Variants in DTX1 observed in about 807,000 individuals in gnomAD.
DTX1 encodes the protein E3 ubiquitin-protein ligase DTX1.
A neutral mutation model predicts 57.8 loss-of-function variants in DTX1; 26 were observed. The ratio of observed to expected loss-of-function variants is 0.45; its 90% CI spans 0.33 to 0.62. DTX1 has a LOEUF of 0.62. Ranked by LOEUF, DTX1 falls within the 20% of genes least tolerant of loss-of-function variation. DTX1 has a pLI of 0.02. For synonymous variants in DTX1, 398 were observed against 394.1 expected, an observed-to-expected ratio of 1.01 and a Z score of -0.12; for missense variants, 704 against 895.3, an observed-to-expected ratio of 0.79 and a Z score of 2.73.
At chr12:113,073,030 C>T (rs2044747968) in intron 2 of DTX1, among the ~76,000 whole-genome samples, 1 of 152,068 alleles carries the variant, frequency 6.6e-6, no homozygotes, top group Admixed American at 6.6e-5. Flanking sequence ...TTCTGAGTTG[C>T]TTGAATCACT....
At chr12:113,076,984 C>A (rs4767062) in intron 2 of DTX1, among the ~76,000 whole-genome samples, 4,861 of 151,932 alleles carry the variant, frequency 0.032, 183 homozygotes, top group East Asian at 0.19. Context: ...CCTGTGATAA[C>A]CCCCACTTCA....
rs2044781797 is a variant in DTX1 at position 113,077,553 on chromosome 12, A to C, written c.389A>C (p.Gln130Pro). The C allele has an allele frequency of 6.2e-7, 1 of 1,613,730 alleles. No homozygotes were observed. Among genetic ancestry groups the C allele is most frequent in the Non-Finnish European group, 8.5e-7 (1 of 1,179,902 alleles). Residue 130 changes from glutamine (Q) to proline (P), a missense_variant, in exon 3 of 10, where the codon CAG becomes CCG. This residue lies in a region of DTX1 where 237 missense variants were observed against 328.6 expected (regional missense o/e 0.72). Transcript: ENST00000548759. This position sits in a 1 kb window ranked among gnomAD's most constrained non-coding sequence, Gnocchi z 7.8. ...AYDMDICITI[Q>P]NAYEKQHPWL... Reference sequence around the variant, plus strand: ...GATATGGACATCTGCATCACCATCCAGAACGCCTACGAGAAGCAGCACCCG... The same window carrying C: ...GATATGGACATCTGCATCACCATCCCGAACGCCTACGAGAAGCAGCACCCG...
intron 3 of DTX1, among the ~76,000 whole-genome samples, chr12:113,088,747 T>C (rs1950223816): frequency 6.6e-6 from 1 of 152,072 alleles, no homozygotes; most frequent in Admixed American, 6.5e-5. Flanking sequence ...ACCCAGCACT[T>C]TGGGAGGTCG....
chr12:113,073,368 C>A (rs1836118369), intron 2 of DTX1, among the ~76,000 whole-genome samples: 1 of 152,192 alleles, frequency 6.6e-6, no homozygotes, highest in Non-Finnish European at 1.5e-5. Context: ...GAAGCCCCAT[C>A]ACCAGGGAAG....
At chr12:113,063,437 G>A (rs974361406) in intron 2 of DTX1, among the ~76,000 whole-genome samples, 4 of 152,316 alleles carry the variant, frequency 2.6e-5, no homozygotes, top group African/African-American at 9.6e-5. Flanking sequence ...AGCCACTTCC[G>A]CAGAAGCTCC....
At position 113,096,688 on chromosome 12, in the gene DTX1, G is replaced by A. The variant is rs566196145; in HGVS notation, c.1639-27G>A. On this transcript the variant is annotated intron_variant, in intron 9 of 9. Coordinates refer to ENST00000548759, the MANE Select transcript of DTX1 (RefSeq NM_004416.3). ...TGGAAGCTGCCTGTGACCTCCTCCCGGCCCCACTGTGTCCCTGTCCCCCCA... is the reference window on the plus strand; with the variant it reads ...TGGAAGCTGCCTGTGACCTCCTCCCAGCCCCACTGTGTCCCTGTCCCCCCA... The A allele has an allele frequency of 4.2e-5, 66 of 1,589,072 alleles. No homozygotes were observed. In the South Asian group the frequency reaches 5.3e-4, roughly 13 times the overall value.
intron 3 of DTX1, among the ~76,000 whole-genome samples, chr12:113,081,487 GCA>G (rs1056639385): frequency 2.0e-5 from 3 of 152,206 alleles, no homozygotes; most frequent in African/African-American, 7.2e-5. Flanking sequence ...TCCTCCCGGG[GCA>G]CACAGACAGA....
At chr12:113,062,716 T>C (rs1183306759) in intron 2 of DTX1, among the ~76,000 whole-genome samples, 2 of 152,174 alleles carry the variant, frequency 1.3e-5, no homozygotes, top group African/African-American at 4.8e-5. Flanking sequence ...ACACATGCCC[T>C]GTGTATGTGC....
intron 2 of DTX1, among the ~76,000 whole-genome samples, chr12:113,074,801 G>C (rs931799328): frequency 3.3e-5 from 5 of 152,218 alleles, no homozygotes; most frequent in African/African-American, 1.2e-4. Flanking sequence ...TTTGAAGGTG[G>C]AGATGACTGG....
In DTX1 at chr12:113,062,500, G is replaced by A. The variant is rs146731928; in HGVS notation, c.259+4049G>A. Among the ~76,000 whole-genome samples, 46 of 152,214 alleles carry A rather than the reference G, an allele frequency of 3.0e-4. No homozygotes were observed. The East Asian group carries it at 5.8e-3, about 19-fold the overall frequency. On this transcript the variant is annotated intron_variant, in intron 2 of 9. Coordinates refer to ENST00000548759, the MANE Select transcript of DTX1 (RefSeq NM_004416.3). ...GCCATTCTTACTTCCTGAGCTGCAC[G>A]ATAGCAGATGGTGGGTGGATTTGGC...
chr12:113,076,837 G>A (rs558758054), intron 2 of DTX1, among the ~76,000 whole-genome samples: 3 of 152,306 alleles, frequency 2.0e-5, no homozygotes, highest in South Asian at 4.1e-4. Flanking sequence ...GAATGAGTGA[G>A]CAAACTATAA....
In DTX1 at chr12:113,093,950, T is replaced by C. The variant is rs1330343795; in HGVS notation, c.1166-88T>C. The C allele has an allele frequency of 2.0e-6, 3 of 1,529,372 alleles. No individual in the cohort carries two copies. In the South Asian group the frequency reaches 3.6e-5, roughly 18 times the overall value. The allele number at this position is 1,529,372 out of a possible 1,614,324, so 94.7% of individuals were successfully genotyped here. ...GGCCAACCCTTGCCAGCCTGACCCC[T>C]GCCCTCTGACCCCTGACCCAGTTCT... On this transcript the variant is annotated intron_variant, in intron 5 of 9. Transcript: ENST00000548759. The surrounding 1 kb of genome is among the most constrained non-coding windows in gnomAD (Gnocchi z 4.2).
At chr12:113,096,463 GAAAAAGAAA>G (rs1950295715) in intron 9 of DTX1, among the ~76,000 whole-genome samples, 1 of 117,734 alleles carries the variant, frequency 8.5e-6, no homozygotes, top group Non-Finnish European at 1.8e-5. Flanking sequence ...AAAAAAAAAA[GAAAAAGAAA>G]AAAAAGAAAA....
At chr12:113,078,132 C>A (rs1204753140) in intron 3 of DTX1, 27 bp downstream of exon 3, 1 of 1,329,396 alleles carries the variant, frequency 7.5e-7, no homozygotes, top group Non-Finnish European at 9.6e-7. Flanking sequence ...GGGGAGGGGG[C>A]CTCTGCGTCG....
chr12:113,088,930 G>A (rs1027222530), intron 3 of DTX1, among the ~76,000 whole-genome samples: 6 of 152,060 alleles, frequency 3.9e-5, no homozygotes, highest in Non-Finnish European at 5.9e-5. Flanking sequence ...TGGGAAGATC[G>A]CTTGAGCCCA....
At chr12:113,096,530 T>A (rs1328591410) in intron 9 of DTX1, among the ~76,000 whole-genome samples, 185 bp from the exon 10 acceptor site, 1 of 150,800 alleles carries the variant, frequency 6.6e-6, no homozygotes, top group Non-Finnish European at 1.5e-5. Flanking sequence ...TGGAAAGAGC[T>A]TTTACTGGAA....
At chr12:113,066,083 G>A (rs2136425286) in intron 2 of DTX1, among the ~76,000 whole-genome samples, 1 of 152,248 alleles carries the variant, frequency 6.6e-6, no homozygotes, top group South Asian at 2.1e-4. Flanking sequence ...CCCAGCCTCT[G>A]GGTTGACACA....
chr12:113,065,737 G>C (rs2044699623), intron 2 of DTX1, among the ~76,000 whole-genome samples: 2 of 152,132 alleles, frequency 1.3e-5, no homozygotes, highest in South Asian at 4.1e-4. Flanking sequence ...GAAGCGTGAG[G>C]GGTTGGGAGG....
At chr12:113,069,525 C>T (rs908357331) in intron 2 of DTX1, among the ~76,000 whole-genome samples, 1 of 152,172 alleles carries the variant, frequency 6.6e-6, no homozygotes, top group Non-Finnish European at 1.5e-5. Flanking sequence ...AAGGAAACCA[C>T]TAATGGGCCA....
Sources: allele counts gnomAD v4.1 joint callset (sites outside exome capture counted in the v4.1 genomes callset), GRCh38; gene constraint gnomAD v4.1.1; regional missense constraint gnomAD v4.1.1; non-coding constraint Gnocchi (gnomAD v3.1); transcripts MANE v1.5; gene names NCBI Gene and HGNC (gene_info 2026-07-23, HGNC 2026-07-21).